The following ZSWIM5 variants were observed in gnomAD, a reference collection of about 807,000 sequenced individuals.
The protein encoded by ZSWIM5 is zinc finger SWIM domain-containing protein 5.
A neutral mutation model predicts 119.6 loss-of-function variants in ZSWIM5; 55 were observed. The ratio of observed to expected loss-of-function variants is 0.46; its 90% confidence interval spans 0.37 to 0.58. ZSWIM5 has a LOEUF of 0.58. Among genes scored for constraint, ZSWIM5 ranks in the 20% least tolerant of loss-of-function variants. The pLI is 0.00. For synonymous variants in ZSWIM5, 537 were observed against 606.9 expected (o/e 0.88, Z 1.69); for missense variants, 1,193 against 1,512.8 (o/e 0.79, Z 3.51).
At chr1:45,149,245 C>G (rs1645781495) in intron 1 of ZSWIM5, among the ~76,000 whole-genome samples, 1 of 152,180 alleles carries the variant, frequency 6.6e-6, no homozygotes, top group Admixed American at 6.5e-5. Flanking sequence ...GCCTGGTCAA[C>G]AGAGCAAGAC....
intron 1 of ZSWIM5, among the ~76,000 whole-genome samples, chr1:45,141,098 A>G (rs1000210642): frequency 1.3e-5 from 2 of 152,168 alleles, no homozygotes; most frequent in Non-Finnish European, 2.9e-5. Flanking sequence ...CTCATACCCC[A>G]ACCTCCGGGC....
chr1:45,064,062 G>A (rs1040049333), intron 2 of ZSWIM5, among the ~76,000 whole-genome samples: 30 of 151,750 alleles, frequency 2.0e-4, no homozygotes, highest in Admixed American at 7.9e-4. Flanking sequence ...CAGTTTACTT[G>A]GCAACAGATT....
At chr1:45,173,843 G>T (rs1348337798) in intron 1 of ZSWIM5, among the ~76,000 whole-genome samples, 1 of 152,066 alleles carries the variant, frequency 6.6e-6, no homozygotes, top group African/African-American at 2.4e-5. Flanking sequence ...AGCTTTAAAA[G>T]ACTGTAAATT....
intron 4 of ZSWIM5, among the ~76,000 whole-genome samples, chr1:45,052,663 C>G (rs1318175051): frequency 1.3e-5 from 2 of 151,540 alleles, no homozygotes; most frequent in Non-Finnish European, 2.9e-5. Context: ...GTCCCAGCTA[C>G]TCAGGAGGCT....
intron 1 of ZSWIM5, among the ~76,000 whole-genome samples, chr1:45,136,303 C>T (rs1645688857): frequency 6.6e-6 from 1 of 152,090 alleles, no homozygotes; most frequent in Admixed American, 6.6e-5. Flanking sequence ...ATATATTAAA[C>T]AATACATCAA....
At chr1:45,022,285 C>G (rs541377516) in intron 11 of ZSWIM5, among the ~76,000 whole-genome samples, 339 of 151,900 alleles carry the variant, frequency 2.2e-3, no homozygotes, top group Non-Finnish European at 4.3e-3. Flanking sequence ...CGCCCACCAC[C>G]ACGCCCGGCT....
chr1:45,052,398 T>G (rs1216059964), intron 4 of ZSWIM5, among the ~76,000 whole-genome samples: 1 of 152,206 alleles, frequency 6.6e-6, no homozygotes, highest in African/African-American at 2.4e-5. Context: ...TGGACACTAT[T>G]TCAAAGCCTC....
chr1:45,036,009 C>A (rs1644980776), intron 9 of ZSWIM5, 30 bp downstream of exon 9: 2 of 1,604,148 alleles, frequency 1.2e-6, no homozygotes, highest in Admixed American at 1.7e-5. Context: ...GGGCCAAAGA[C>A]ACCGTGACAA....
At chr1:45,148,464 T>C (rs1490953402) in intron 1 of ZSWIM5, among the ~76,000 whole-genome samples, 1 of 152,004 alleles carries the variant, frequency 6.6e-6, no homozygotes, top group African/African-American at 2.4e-5. Flanking sequence ...AACTGTCTTC[T>C]TGCCACACAA....
In ZSWIM5 at chr1:45,018,238, C is replaced by T; in HGVS notation, c.*216G>A. ...GGGTTTCTGGTCGATCTGCAGGGCCCAGCTCCTCCATGAACAGTAGGCTGT... is the reference window on the plus strand; with the variant it reads ...GGGTTTCTGGTCGATCTGCAGGGCCTAGCTCCTCCATGAACAGTAGGCTGT... On this transcript the variant is annotated 3_prime_UTR_variant, in exon 14 of 14. Transcript: ENST00000359600. This position sits in a 1 kb window ranked among gnomAD's most constrained non-coding sequence, Gnocchi z 6.7. 1.6e-6 allele frequency: 1 copy of T among 617,392 alleles called. No homozygotes were observed. 38.2% of individuals were successfully genotyped at this position (617,392 alleles called of 1,614,324 possible).
chr1:45,131,159 A>C (rs12063926), intron 1 of ZSWIM5, among the ~76,000 whole-genome samples: 6,423 of 152,236 alleles, frequency 0.042, 331 homozygotes, highest in East Asian at 0.23. Context: ...TGGTGATGTA[A>C]ACATTTTGAA....
intron 1 of ZSWIM5, among the ~76,000 whole-genome samples, chr1:45,139,260 C>T (rs1645709672): frequency 6.6e-6 from 1 of 152,072 alleles, no homozygotes; most frequent in African/African-American, 2.4e-5. Context: ...CAGTACATAG[C>T]AGCCTTGACC....
chr1:45,080,550 C>T (rs945273717), intron 2 of ZSWIM5, among the ~76,000 whole-genome samples: 1 of 152,174 alleles, frequency 6.6e-6, no homozygotes, highest in African/African-American at 2.4e-5. Flanking sequence ...TTCCTACTTC[C>T]TCAGTGCCTC....
At chr1:45,031,169 A>ATTTTTTTTTTTTTTTT (rs34390567) in intron 11 of ZSWIM5, among the ~76,000 whole-genome samples, 2 of 61,746 alleles carry the variant, frequency 3.2e-5, no homozygotes, top group Non-Finnish European at 2.8e-5. Context: ...TTTTGCTCTG[A>ATTTTTTTTTTTTTTTT]TTTTTTTTTT....
intron 2 of ZSWIM5, among the ~76,000 whole-genome samples, chr1:45,070,642 G>A (rs1645216271): frequency 6.6e-6 from 1 of 152,040 alleles, no homozygotes; most frequent in African/African-American, 2.4e-5. Context: ...TTTCTGCATA[G>A]TTTGTATTTC....
At chr1:45,076,971 G>C (rs1447777709) in intron 2 of ZSWIM5, among the ~76,000 whole-genome samples, 1 of 151,950 alleles carries the variant, frequency 6.6e-6, no homozygotes, top group African/African-American at 2.4e-5. Flanking sequence ...CAATGTCTTT[G>C]TTAAATTTAT....
At chr1:45,161,722 T>C (rs988018644) in intron 1 of ZSWIM5, among the ~76,000 whole-genome samples, 1 of 152,218 alleles carries the variant, frequency 6.6e-6, no homozygotes, top group Non-Finnish European at 1.5e-5. Context: ...TTTCTTTATA[T>C]TTCTTTTTAC....
chr1:45,115,356 G>A (rs559033808), intron 1 of ZSWIM5, among the ~76,000 whole-genome samples: 1 of 152,174 alleles, frequency 6.6e-6, no homozygotes, highest in South Asian at 2.1e-4. Context: ...TGGCTGCCGG[G>A]CGGAGGGGCT....
intron 2 of ZSWIM5, chr1:45,070,029 A>G (rs1645212062): frequency 5.1e-6 from 4 of 791,646 alleles, no homozygotes; most frequent in Non-Finnish European, 9.2e-6. Flanking sequence ...TTGAGTAGCT[A>G]TGAAAAACCT....
Sources: gnomAD v4.1 joint callset for allele counts (sites outside exome capture counted in the v4.1 genomes callset) on GRCh38, gnomAD v4.1.1 for gene constraint, Gnocchi (gnomAD v3.1) non-coding constraint, MANE v1.5 for transcripts, NCBI Gene and HGNC (gene_info 2026-07-23, HGNC 2026-07-21) for gene names.